IREB2: variants seen among roughly 807,000 people sequenced by gnomAD.
IREB2 encodes the protein iron responsive element binding protein 2.
In IREB2, 39 loss-of-function variants were observed where a neutral mutation model predicts 118.8. The observed-to-expected ratio is 0.33, with a 90% CI of 0.25 to 0.43. IREB2 has a LOEUF of 0.43. IREB2 is among the 20% of genes least tolerant of loss of function. IREB2 has a pLI of 1.00. For synonymous variants in IREB2, 372 were observed against 392.2 expected, an observed-to-expected ratio of 0.95 and a Z score of 0.61; for missense variants, 900 against 1,147.3, an observed-to-expected ratio of 0.78 and a Z score of 3.11.
rs749262484 is a variant in IREB2, at chr15:78,494,195, T to C, written c.2526T>C (p.Ile842=). ...ACCAGAAAGAAGGTATCCCACTGAT[T>C]ATTTTAGCAGGAAAGAAATATGGTT... The part of the protein sequence containing the change: ...ELYQKEGIPL[I]ILAGKKYGSG... The change falls in exon 20 of 22, where the codon ATT becomes ATC. Residue 842 remains isoleucine, a synonymous_variant. Transcript: ENST00000258886. 81 of 1,613,954 alleles carry C rather than the reference T, an allele frequency of 5.0e-5. No individual in the cohort carries two copies. Among genetic ancestry groups the C allele is most frequent in the Non-Finnish European group, 2.5e-6 (3 of 1,179,942 alleles).
intron 1 of IREB2, chr15:78,438,787 C>G (rs1336256620): frequency 1.3e-5 from 3 of 227,022 alleles, no homozygotes; most frequent in African/African-American, 2.3e-5. Flanking sequence ...ATTCCACGGT[C>G]CAGCCTAAGG....
chr15:78,444,430 C>G (rs2050895438), intron 2 of IREB2, among the ~76,000 whole-genome samples: 1 of 152,104 alleles, frequency 6.6e-6, no homozygotes, highest in Non-Finnish European at 1.5e-5. Context: ...GCAACAGGGC[C>G]TCTGGTGGTG....
intron 13 of IREB2, among the ~76,000 whole-genome samples, chr15:78,486,906 G>C (rs2051670675): frequency 6.6e-6 from 1 of 152,112 alleles, no homozygotes; most frequent in African/African-American, 2.4e-5. Context: ...GTTCCCTTAA[G>C]TGATCGGCTC....
At chr15:78,463,574 C>T (rs1055266130) in intron 3 of IREB2, among the ~76,000 whole-genome samples, 16 of 151,966 alleles carry the variant, frequency 1.1e-4, no homozygotes, top group African/African-American at 3.9e-4. Context: ...TAAACTGAAG[C>T]AATTCATTAA....
intron 2 of IREB2, among the ~76,000 whole-genome samples, chr15:78,443,334 A>G (rs540931367): frequency 1.3e-5 from 2 of 152,236 alleles, no homozygotes; most frequent in Admixed American, 6.5e-5. Context: ...TTACCTTTAC[A>G]TCTTTTACAA....
chr15:78,438,135 C>A (rs1179985815), upstream of IREB2: 4 of 569,912 alleles, frequency 7.0e-6, no homozygotes, highest in East Asian at 2.9e-5. Context: ...TTTTCCTGTC[C>A]GACGATCTCG....
rs1348816224 is a variant in IREB2, at chr15:78,438,325, A to G, written c.-13A>G. On this transcript the variant is annotated 5_prime_UTR_variant, in exon 1 of 22. It adds an upstream start codon to the 5' untranslated region. Coordinates refer to ENST00000258886, the MANE Select transcript of IREB2 (RefSeq NM_004136.4). ...CTGGCCCCCTCCCCGGAGGGATAAT[A>G]TGGTCTCCGGCGATGGACGCCCCAA... The G allele has an allele frequency of 1.3e-6, 2 of 1,587,392 alleles. No individual in the cohort carries two copies. Among genetic ancestry groups the G allele is most frequent in the Non-Finnish European group, 1.7e-6 (2 of 1,167,742 alleles).
intron 2 of IREB2, among the ~76,000 whole-genome samples, chr15:78,444,630 T>G (rs541894251): frequency 6.6e-6 from 1 of 152,282 alleles, no homozygotes; most frequent in East Asian, 1.9e-4. Flanking sequence ...TTTTTATCAT[T>G]TAGAAGAATC....
intron 8 of IREB2, 44 bp from the exon 9 acceptor site, chr15:78,476,136 GCTAATCTT>G: frequency 7.4e-7 from 1 of 1,352,732 alleles, no homozygotes; most frequent in African/African-American, 1.4e-5. Flanking sequence ...GACAATCGTT[GCTAATCTT>G]ATCTTTGCAA....
At chr15:78,439,966 A>C in intron 2 of IREB2, 85 bp downstream of exon 2, 1 of 818,598 alleles carries the variant, frequency 1.2e-6, no homozygotes, top group East Asian at 2.5e-5. Context: ...GAAATTTTAA[A>C]TGTATTTCCA....
chr15:78,467,283 T>C (rs1595997490), intron 5 of IREB2, among the ~76,000 whole-genome samples: 1 of 152,240 alleles, frequency 6.6e-6, no homozygotes, highest in South Asian at 2.1e-4. Context: ...AGTAAGTCCT[T>C]CTAAATAAGT....
chr15:78,439,152 G>T (rs1018036065), intron 1 of IREB2, among the ~76,000 whole-genome samples: 3 of 152,154 alleles, frequency 2.0e-5, no homozygotes, highest in African/African-American at 7.2e-5. Flanking sequence ...CTTTGACTTA[G>T]TAGTTCAGCT....
intron 2 of IREB2, among the ~76,000 whole-genome samples, chr15:78,444,483 C>T (rs1000371154): frequency 6.6e-5 from 10 of 151,972 alleles, no homozygotes; most frequent in African/African-American, 1.9e-4. Flanking sequence ...TCTTATTCAC[C>T]CTTTCTTTTG....
intron 2 of IREB2, among the ~76,000 whole-genome samples, chr15:78,448,197 T>G (rs1176930087): frequency 6.6e-6 from 1 of 152,198 alleles, no homozygotes; most frequent in African/African-American, 2.4e-5. Flanking sequence ...CCAGCTGGAG[T>G]GCAGTGGCAT....
At chr15:78,495,180 C>T (rs920275854) in intron 20 of IREB2, among the ~76,000 whole-genome samples, 4 of 152,082 alleles carry the variant, frequency 2.6e-5, no homozygotes, top group Admixed American at 2.0e-4. Flanking sequence ...ACCATGCAGG[C>T]CTCATTCTTA....
chr15:78,457,890 C>G (rs1176631660), intron 2 of IREB2, among the ~76,000 whole-genome samples: 1 of 151,920 alleles, frequency 6.6e-6, no homozygotes, highest in African/African-American at 2.4e-5. Context: ...TCCAAATGTT[C>G]TATTAAAAAA....
At chr15:78,466,792 A>T (rs374487597) in intron 5 of IREB2, among the ~76,000 whole-genome samples, 17 of 152,148 alleles carry the variant, frequency 1.1e-4, no homozygotes, top group African/African-American at 4.1e-4. Flanking sequence ...TTAAACTAAA[A>T]TTTTTATTTT....
At chr15:78,479,937 T>A (rs970475298) in intron 10 of IREB2, 3 of 139,048 alleles carry the variant, frequency 2.2e-5, no homozygotes, top group South Asian at 2.3e-4. Flanking sequence ...AAAAAAAAAA[T>A]CTGTTGGAAA....
At chr15:78,478,835 T>C (rs1479369593) in intron 10 of IREB2, among the ~76,000 whole-genome samples, 1 of 152,234 alleles carries the variant, frequency 6.6e-6, no homozygotes, top group African/African-American at 2.4e-5. Context: ...TTTTCTCATC[T>C]GTTAGATATG....
Sources: gnomAD v4.1 joint callset for allele counts (sites outside exome capture counted in the v4.1 genomes callset) on GRCh38, gnomAD v4.1.1 for gene constraint, MANE v1.5 for transcripts, NCBI Gene and HGNC (gene_info 2026-07-23, HGNC 2026-07-21) for gene names.